Variants in AVL9 observed in about 807,000 individuals in gnomAD.
The protein encoded by AVL9 is AVL9 cell migration associated.
A neutral mutation model predicts 79.2 loss-of-function variants in AVL9; 49 were observed. The observed-to-expected ratio is 0.62, with a 90% CI of 0.49 to 0.79. The LOEUF (loss-of-function observed/expected upper bound fraction) is 0.79. AVL9 is among the 30% of genes least tolerant of loss of function. The probability of loss-of-function intolerance (pLI) is 0.00; values close to 1 mark genes in which losing one functional copy is unlikely to be tolerated. For missense variants in AVL9, 682 were observed against 776.8 expected (o/e 0.88, Z 1.45); for synonymous variants, 299 against 280.6 (o/e 1.07, Z -0.65).
intron 2 of AVL9, among the ~76,000 whole-genome samples, chr7:32,543,694 C>T (rs577068754): frequency 6.6e-6 from 1 of 152,202 alleles, no homozygotes. Flanking sequence ...CCATTGCTGT[C>T]ACAAGTACTC....
At chr7:32,499,228 T>C (rs913668919) in intron 1 of AVL9, among the ~76,000 whole-genome samples, 4 of 152,000 alleles carry the variant, frequency 2.6e-5, no homozygotes, top group African/African-American at 7.2e-5. Flanking sequence ...ATGGATACCT[T>C]CTCTGTAGTA....
intron 1 of AVL9, among the ~76,000 whole-genome samples, chr7:32,505,519 G>A (rs987979464): frequency 3.6e-3 from 66 of 18,474 alleles, no homozygotes; most frequent in East Asian, 7.2e-3. Flanking sequence ...GCAAAACTCC[G>A]TCTCAAAAAA....
At chr7:32,563,510 T>C (rs923151266) in intron 10 of AVL9, among the ~76,000 whole-genome samples, 2 of 150,022 alleles carry the variant, frequency 1.3e-5, no homozygotes, top group African/African-American at 4.9e-5. Context: ...ACCAACTGTA[T>C]TTCTTGCCCT....
intron 1 of AVL9, among the ~76,000 whole-genome samples, chr7:32,500,670 C>T (rs150376500): frequency 2.8e-4 from 42 of 152,070 alleles, no homozygotes; most frequent in African/African-American, 9.4e-4. Context: ...GTTTTAGTTA[C>T]GAAGTCTTTG....
chr7:32,529,370 C>T lies in AVL9; in HGVS notation c.94-13771C>T, dbSNP rs1173939389. ...CCTTCTGATTGGTTGCTGTAAATCTCCTGGTTTTAGGGGGAAACTGGTTTC... is the reference window on the plus strand; with the variant it reads ...CCTTCTGATTGGTTGCTGTAAATCTTCTGGTTTTAGGGGGAAACTGGTTTC... On this transcript the variant is annotated intron_variant, in intron 1 of 15. Transcript: ENST00000318709. 5.3e-5 allele frequency among the ~76,000 whole-genome samples: 8 copies of T among 152,192 alleles called. No individual in the cohort carries two copies. In the East Asian group the frequency reaches 1.5e-3, roughly 29 times the overall value.
intron 1 of AVL9, among the ~76,000 whole-genome samples, chr7:32,541,075 G>A (rs931651941): frequency 2.6e-4 from 39 of 151,496 alleles, no homozygotes; most frequent in Middle Eastern, 3.4e-3. Context: ...CTAATTTTTT[G>A]TATTTTTAGT....
intron 1 of AVL9, among the ~76,000 whole-genome samples, chr7:32,502,621 G>T (rs1462399030): frequency 6.6e-6 from 1 of 152,132 alleles, no homozygotes; most frequent in Admixed American, 6.5e-5. Context: ...GCGCTGCAAA[G>T]AACATCCTTG....
intron 1 of AVL9, among the ~76,000 whole-genome samples, chr7:32,523,390 G>A (rs922395610): frequency 2.6e-5 from 4 of 151,538 alleles, no homozygotes; most frequent in East Asian, 1.9e-4. Flanking sequence ...CCCTTGGCTC[G>A]ACTCCCTGCT....
intron 10 of AVL9, among the ~76,000 whole-genome samples, chr7:32,563,536 C>T (rs1053095266): frequency 8.1e-5 from 12 of 147,480 alleles, no homozygotes; most frequent in Non-Finnish European, 1.8e-4. Context: ...GAGCCAGACA[C>T]CATACTAGAT....
intron 1 of AVL9, among the ~76,000 whole-genome samples, chr7:32,523,503 A>ATTTCCTTT (rs1788259842): frequency 7.8e-6 from 1 of 128,142 alleles, no homozygotes; most frequent in Non-Finnish European, 1.6e-5. Context: ...AGAATTATAA[A>ATTTCCTTT]TTTCCTTTTT....
At position 32,559,311 on chromosome 7, in the gene AVL9, G is replaced by T. The variant is rs1175837159; in HGVS notation, c.1062G>T (p.Gln354His). ...AAAGGGAACAGCTGGGATCAGACCA[G>T]ACAAATTTGTTTCCAAAGGACTCTG... ...LKEREQLGSD[Q>H]TNLFPKDSVP... Residue 354 changes from glutamine to histidine, a missense_variant, in exon 10 of 16, where the codon CAG becomes CAT. By Grantham distance (24) the Gln-to-His change is conservative (BLOSUM62 0). Coordinates refer to ENST00000318709, the MANE Select transcript of AVL9 (RefSeq NM_015060.3). The T allele has an allele frequency of 6.2e-7, 1 of 1,614,148 alleles. No homozygotes were observed. Among genetic ancestry groups the T allele is most frequent in the East Asian group, 2.2e-5 (1 of 44,870 alleles).
At chr7:32,513,774 C>A (rs1440468440) in intron 1 of AVL9, among the ~76,000 whole-genome samples, 1 of 152,124 alleles carries the variant, frequency 6.6e-6, no homozygotes, top group African/African-American at 2.4e-5. Context: ...CTCTGAGTTC[C>A]CTCAGTATTT....
chr7:32,556,631 T>G (rs2128140713), intron 8 of AVL9, among the ~76,000 whole-genome samples: 1 of 152,340 alleles, frequency 6.6e-6, no homozygotes, highest in African/African-American at 2.4e-5. Flanking sequence ...AAATTTTATT[T>G]AATTTCTAAA....
chr7:32,575,645 A>T (rs774228314), intron 12 of AVL9, among the ~76,000 whole-genome samples: 55 of 152,324 alleles, frequency 3.6e-4, no homozygotes, highest in Non-Finnish European at 2.2e-4. Context: ...TACTATCCTC[A>T]TAATGGTAAG....
intron 1 of AVL9, among the ~76,000 whole-genome samples, chr7:32,529,222 G>A (rs186630074): frequency 1.3e-5 from 2 of 152,320 alleles, no homozygotes; most frequent in African/African-American, 4.8e-5. Flanking sequence ...GGTTGGCTTT[G>A]TAGGCAGGAA....
chr7:32,504,998 C>T lies in AVL9; in HGVS notation c.93+9196C>T, dbSNP rs184236040. ...AAGCGATTCTCCTGCCTTAGCCTCC[C>T]ATGTAGCTGGGATTACAAGAGTATG... is the stretch of plus-strand genomic sequence containing the variant. On this transcript the variant is annotated intron_variant, in intron 1 of 15. Transcript: ENST00000318709. Among the ~76,000 whole-genome samples the T allele has an allele frequency of 5.5e-3, 840 of 152,084 alleles. 6 individuals carry two copies. Among genetic ancestry groups the T allele is most frequent in the African/African-American group, 0.019 (794 of 41,530 alleles).
At chr7:32,528,456 G>A (rs1423253290) in intron 1 of AVL9, among the ~76,000 whole-genome samples, 1 of 152,068 alleles carries the variant, frequency 6.6e-6, no homozygotes, top group African/African-American at 2.4e-5. Context: ...GAGAGAGCCC[G>A]TTTTGCTCAG....
chr7:32,543,913 C>CT (rs761679080), intron 2 of AVL9, among the ~76,000 whole-genome samples: 1,330 of 68,698 alleles, frequency 0.019, 21 homozygotes, highest in African/African-American at 0.061. Context: ...TTCTTTCTTT[C>CT]TTTTTTTTTT....
intron 1 of AVL9, among the ~76,000 whole-genome samples, chr7:32,510,950 G>A (rs951184995): frequency 3.7e-5 from 5 of 135,886 alleles, no homozygotes; most frequent in African/African-American, 1.1e-4. Flanking sequence ...TTTGTGAGCC[G>A]TCAGGTCTGG....
Sources: gnomAD v4.1 joint callset for allele counts (sites outside exome capture counted in the v4.1 genomes callset) on GRCh38, gnomAD v4.1.1 for gene constraint, MANE v1.5 for transcripts, NCBI Gene and HGNC (gene_info 2026-07-23, HGNC 2026-07-21) for gene names.